ATP6V1F: variants seen among roughly 807,000 people sequenced by gnomAD.
The protein encoded by ATP6V1F is V-type proton ATPase subunit F.
ATP6V1F carries 4 observed loss-of-function variants against 6.6 expected under a neutral mutation model. The ratio of observed to expected loss-of-function variants is 0.60; its 90% CI spans 0.30 to 1.38. The LOEUF (loss-of-function observed/expected upper bound fraction) is 1.38, where lower values mean the gene tolerates loss of function less well. ATP6V1F is among the 40% of genes most tolerant of loss of function. ATP6V1F has a pLI of 0.08. For synonymous variants in ATP6V1F, 68 were observed against 66.9 expected (o/e 1.02, Z -0.08); for missense variants, 136 against 165.5 (o/e 0.82, Z 0.98).
chr7:128,863,762 C>G (rs1013630773), intron 1 of ATP6V1F, among the ~76,000 whole-genome samples: 2 of 152,158 alleles, frequency 1.3e-5, no homozygotes, highest in African/African-American at 2.4e-5. Flanking sequence ...GCCCCTGTAC[C>G]AAGTCTCAGG....
At position 128,865,033 on chromosome 7, in the gene ATP6V1F, A is replaced by G; in HGVS notation, c.159-344A>G. Reference sequence around the variant, plus strand: ...TATCTGCACATAAAAAGGGATCTGCATACATATAATCTTATCCTTCCCCTT... The same window carrying G: ...TATCTGCACATAAAAAGGGATCTGCGTACATATAATCTTATCCTTCCCCTT... On this transcript the variant is annotated intron_variant, in intron 1 of 1. Transcript: ENST00000249289. The surrounding 1 kb of genome is among the most constrained non-coding windows in gnomAD (Gnocchi z 4.4). 1 of 1,136,056 alleles carries G rather than the reference A, an allele frequency of 8.8e-7. No individual in the cohort carries two copies. Among genetic ancestry groups the G allele is most frequent in the Non-Finnish European group, 1.3e-6 (1 of 783,396 alleles). 70.4% of individuals were successfully genotyped at this position (1,136,056 alleles called of 1,614,324 possible).
rs756022666 is a variant in ATP6V1F at position 128,862,979 on chromosome 7, A to C, written c.75A>C (p.Ile25=). The part of the protein sequence containing the change: ...DTVTGFLLGG[I]GELNKNRHPN... The stretch of plus-strand genomic sequence containing the variant: ...TGACTGGTTTCCTGCTGGGCGGCAT[A>C]GGGGAGCTTAACAAGAACCGCCATC... Residue 25 remains isoleucine, a synonymous_variant, in exon 1 of 2, where the codon ATA becomes ATC. Coordinates refer to ENST00000249289, the MANE Select transcript of ATP6V1F (RefSeq NM_004231.4). 4.3e-6 allele frequency: 7 copies of C among 1,613,518 alleles called. No homozygotes were observed. The Admixed American group carries it at 1.0e-4, about 23-fold the overall frequency.
Position 128,865,217 on chromosome 7 carries a change from A to C in ATP6V1F, c.159-160A>C, listed in dbSNP as rs1809363889. 1 of 1,540,960 alleles carries C rather than the reference A, an allele frequency of 6.5e-7. No individual in the cohort carries two copies. Among genetic ancestry groups the C allele is most frequent in the African/African-American group, 1.4e-5 (1 of 73,058 alleles). ...AATTGATTCTAGGTAGGGTTGACAG[A>C]GGGTTGAGCGTGGCAGCCTTTCCCC... On this transcript the variant is annotated intron_variant, in intron 1 of 1. Transcript: ENST00000249289. This position sits in a 1 kb window ranked among gnomAD's most constrained non-coding sequence, Gnocchi z 4.4.
chr7:128,863,135 C>T (rs1210945699), intron 1 of ATP6V1F, 73 bp downstream of exon 1: 148 of 1,547,372 alleles, frequency 9.6e-5, no homozygotes, highest in East Asian at 2.5e-5. Flanking sequence ...TGGAGGCTGC[C>T]CGGACGGGGG....
At chr7:128,863,683 C>A (rs1585176095) in intron 1 of ATP6V1F, among the ~76,000 whole-genome samples, 1 of 152,162 alleles carries the variant, frequency 6.6e-6, no homozygotes, top group South Asian at 2.1e-4. Flanking sequence ...GCTTTTAATC[C>A]ACCAGGGGTC....
chr7:128,863,605 G>C (rs1809320716), intron 1 of ATP6V1F, among the ~76,000 whole-genome samples: 1 of 152,220 alleles, frequency 6.6e-6, no homozygotes, highest in African/African-American at 2.4e-5. Flanking sequence ...GACTGTGAGA[G>C]CCTTCTGCTA....
At chr7:128,864,815 G>C (rs1309471558) in intron 1 of ATP6V1F, 1 of 327,536 alleles carries the variant, frequency 3.1e-6, no homozygotes, top group African/African-American at 2.1e-5. Context: ...TAGATAGATA[G>C]ATAGATCCGC....
Position 128,865,580 on chromosome 7 carries a change from G to GGACT in ATP6V1F, c.*3_*6dup. 6.2e-7 allele frequency: 1 copy of GGACT among 1,612,676 alleles called. No individual in the cohort carries two copies. Among genetic ancestry groups the GGACT allele is most frequent in the Non-Finnish European group, 8.5e-7 (1 of 1,179,332 alleles). ...TTCACTGCCGAAGACCTGCGCTAGG[G>GGACT]GACTCCTCATAGCCCTCAGCCCTTC... On this transcript the variant is annotated 3_prime_UTR_variant, in exon 2 of 2. Transcript: ENST00000249289. The surrounding 1 kb of genome is among the most constrained non-coding windows in gnomAD (Gnocchi z 4.4).
chr7:128,863,545 C>A (rs1210553380), intron 1 of ATP6V1F, among the ~76,000 whole-genome samples: 1 of 152,172 alleles, frequency 6.6e-6, no homozygotes, highest in Non-Finnish European at 1.5e-5. Context: ...TCTCCTCAGG[C>A]GGCCTCGGAA....
Sources: gnomAD v4.1 joint callset for allele counts (sites outside exome capture counted in the v4.1 genomes callset) on GRCh38, gnomAD v4.1.1 for gene constraint, Gnocchi (gnomAD v3.1) non-coding constraint, MANE v1.5 for transcripts, NCBI Gene and HGNC (gene_info 2026-07-23, HGNC 2026-07-21) for gene names.